GRB2: variants seen among roughly 807,000 people sequenced by gnomAD.
GRB2 encodes growth factor receptor bound protein 2.
Under a neutral mutation model 27.4 loss-of-function variants are expected in GRB2, and 2 were observed. That is an observed-to-expected ratio of 0.07 (90% CI 0.03 to 0.23). GRB2 has a LOEUF of 0.23. Ranked by LOEUF, GRB2 falls within the 10% of genes least tolerant of loss-of-function variation. GRB2 has a pLI of 1.00. For missense variants in GRB2, 102 were observed against 282.4 expected, an observed-to-expected ratio of 0.36 and a Z score of 4.58; for synonymous variants, 94 against 99.6, an observed-to-expected ratio of 0.94 and a Z score of 0.33.
chr17:75,384,001 T>C (rs1318740723), intron 2 of GRB2, among the ~76,000 whole-genome samples: 2 of 152,134 alleles, frequency 1.3e-5, no homozygotes, highest in Non-Finnish European at 2.9e-5. Flanking sequence ...AAGATCGCAA[T>C]GCCCGATCTG....
chr17:75,375,628 T>C lies in GRB2; in HGVS notation c.78+17923A>G, dbSNP rs139299162. 3.0e-3 allele frequency among the ~76,000 whole-genome samples: 455 copies of C among 152,306 alleles called. 8 individuals are homozygous for C. In the South Asian group the frequency reaches 0.049, roughly 16 times the overall value. ...CGGGCACAGTGGCTCACACCTGTAATCCCAACACTTTGGGAGGCCGAGGCA... is the reference window on the plus strand; with the variant it reads ...CGGGCACAGTGGCTCACACCTGTAACCCCAACACTTTGGGAGGCCGAGGCA... On this transcript the variant is annotated intron_variant, in intron 2 of 5. Coordinates refer to ENST00000316804, the MANE Select transcript of GRB2 (RefSeq NM_002086.5).
At chr17:75,336,477 CTT>C (rs2078577621) in intron 2 of GRB2, among the ~76,000 whole-genome samples, 1 of 152,220 alleles carries the variant, frequency 6.6e-6, no homozygotes, top group Admixed American at 6.5e-5. Flanking sequence ...TGACCAATAA[CTT>C]TGCAGAAAAA....
At chr17:75,347,519 C>A (rs1005371655) in intron 2 of GRB2, among the ~76,000 whole-genome samples, 1 of 152,188 alleles carries the variant, frequency 6.6e-6, no homozygotes, top group South Asian at 2.1e-4. Flanking sequence ...CCCAGCCACA[C>A]TGGGAGAGAA....
chr17:75,342,898 A>C (rs1302961104), intron 2 of GRB2, among the ~76,000 whole-genome samples: 1 of 151,686 alleles, frequency 6.6e-6, no homozygotes, highest in Non-Finnish European at 1.5e-5. Context: ...AATATTCAAC[A>C]ATTAGCCTGG....
At chr17:75,343,533 C>T (rs895687779) in intron 2 of GRB2, among the ~76,000 whole-genome samples, 1 of 152,148 alleles carries the variant, frequency 6.6e-6, no homozygotes, top group African/African-American at 2.4e-5. Context: ...CAAAAGATAA[C>T]TAGGATATGC....
intron 1 of GRB2, among the ~76,000 whole-genome samples, chr17:75,397,195 CAA>C (rs2079034108): frequency 6.6e-6 from 1 of 152,122 alleles, no homozygotes; most frequent in South Asian, 2.1e-4. Flanking sequence ...GTTATCCACC[CAA>C]AAGAGCATAT....
intron 2 of GRB2, among the ~76,000 whole-genome samples, chr17:75,393,003 A>C (rs1211946776): frequency 6.6e-6 from 1 of 152,238 alleles, no homozygotes; most frequent in African/African-American, 2.4e-5. Flanking sequence ...CTTATTATTT[A>C]GAACTCCATT....
intron 2 of GRB2, among the ~76,000 whole-genome samples, chr17:75,353,644 C>T (rs1268462795): frequency 6.6e-6 from 1 of 151,958 alleles, no homozygotes; most frequent in Admixed American, 6.6e-5. Flanking sequence ...CCTGTAATCC[C>T]AGCTACTCAG....
At chr17:75,368,373 G>A (rs2078834050) in intron 2 of GRB2, among the ~76,000 whole-genome samples, 1 of 151,612 alleles carries the variant, frequency 6.6e-6, no homozygotes, top group Non-Finnish European at 1.5e-5. Context: ...CCCCCACCGT[G>A]CTCAGCTAAT....
chr17:75,352,846 A>T (rs2145841295), intron 2 of GRB2, among the ~76,000 whole-genome samples: 1 of 151,162 alleles, frequency 6.6e-6, no homozygotes, highest in African/African-American at 2.4e-5. Flanking sequence ...AGCTCACAAG[A>T]CCGTTCTCTG....
intron 3 of GRB2, among the ~76,000 whole-genome samples, chr17:75,330,334 A>G (rs986265206): frequency 5.9e-5 from 9 of 152,030 alleles, no homozygotes; most frequent in African/African-American, 2.2e-4. Flanking sequence ...GTGAGCCGAG[A>G]TCGCGCCACA....
chr17:75,382,557 T>G (rs1014309858), intron 2 of GRB2, among the ~76,000 whole-genome samples: 1 of 152,348 alleles, frequency 6.6e-6, no homozygotes, highest in Non-Finnish European at 1.5e-5. Flanking sequence ...TTCAGATCTT[T>G]GGATTAGGGA....
chr17:75,351,843 T>A (rs2078694598), intron 2 of GRB2, among the ~76,000 whole-genome samples: 1 of 152,138 alleles, frequency 6.6e-6, no homozygotes, highest in Admixed American at 6.6e-5. Context: ...CAAATAAATA[T>A]ATAGAAAATC....
chr17:75,328,870 G>A (rs78045414), intron 3 of GRB2, among the ~76,000 whole-genome samples: 2 of 146,274 alleles, frequency 1.4e-5, no homozygotes, highest in Admixed American at 1.4e-4. Context: ...CCTGGGAGGC[G>A]GAGCTTGCAG....
Position 75,326,562 on chromosome 17 carries a change from G to C in GRB2, c.177-542C>G, listed in dbSNP as rs529183983. Among the ~76,000 whole-genome samples the C allele has an allele frequency of 5.9e-5, 9 of 152,372 alleles. No individual in the cohort carries two copies. The South Asian group carries it at 1.9e-3, about 32-fold the overall frequency. The stretch of plus-strand genomic sequence containing the variant: ...AGATAGTATGAGGGTGCCTCTACCA[G>C]TAACTAAGGTCAGCATTCCTCTCAA... On this transcript the variant is annotated intron_variant, in intron 3 of 5. Transcript: ENST00000316804.
chr17:75,343,574 T>A (rs1443212983), intron 2 of GRB2, among the ~76,000 whole-genome samples: 1 of 152,208 alleles, frequency 6.6e-6, no homozygotes, highest in Non-Finnish European at 1.5e-5. Context: ...CCTCTTATCA[T>A]CAAGAGAAAT....
intron 2 of GRB2, chr17:75,338,979 G>A (rs571916235): frequency 4.9e-6 from 6 of 1,221,284 alleles, no homozygotes; most frequent in Non-Finnish European, 7.3e-6. Flanking sequence ...ATGGTGGGCA[G>A]ACTAAGTCGA....
chr17:75,363,859 C>CAAAAAAAAAAA (rs55746272), intron 2 of GRB2, among the ~76,000 whole-genome samples: 18 of 58,524 alleles, frequency 3.1e-4, no homozygotes, highest in African/African-American at 6.2e-4. Context: ...GACTCCGTCT[C>CAAAAAAAAAAA]AAAAAAAAAA....
chr17:75,358,717 A>AAC (rs1380667476), intron 2 of GRB2, among the ~76,000 whole-genome samples: 1 of 124,564 alleles, frequency 8.0e-6, no homozygotes, highest in African/African-American at 3.7e-5. Flanking sequence ...AAAAAAAAAA[A>AAC]AAAAAAAAAC....
Sources: gnomAD v4.1 joint callset for allele counts (sites outside exome capture counted in the v4.1 genomes callset) on GRCh38, gnomAD v4.1.1 for gene constraint, MANE v1.5 for transcripts, NCBI Gene and HGNC (gene_info 2026-07-23, HGNC 2026-07-21) for gene names.